The following VEZF1 variants were observed in gnomAD, a reference collection of about 807,000 sequenced individuals.
VEZF1 encodes vascular endothelial zinc finger 1, also known as putative transcription factor DB1.
Under a neutral mutation model 44.1 loss-of-function variants are expected in VEZF1, and 5 were observed. That is an observed-to-expected ratio of 0.11 (90% CI 0.06 to 0.24). VEZF1 has a LOEUF of 0.24. Among genes scored for constraint, VEZF1 ranks in the 10% least tolerant of loss-of-function variants. The pLI, the probability that VEZF1 is intolerant of heterozygous loss-of-function variation, is 1.00. For missense variants in VEZF1, 358 were observed against 641.8 expected (o/e 0.56, Z 4.78); for synonymous variants, 236 against 233.1 (o/e 1.01, Z -0.11).
In VEZF1 at chr17:57,974,302, C is replaced by T; in HGVS notation, c.*171G>A. 1 of 752,026 alleles carries T rather than the reference C, an allele frequency of 1.3e-6. No individual in the cohort carries two copies. The highest frequency in any genetic ancestry group is 2.7e-5 in the East Asian group (1 of 36,974). 46.6% of individuals were successfully genotyped at this position (752,026 alleles called of 1,614,324 possible). The stretch of plus-strand genomic sequence containing the variant: ...GTGGTCCAGTGATAAGTTACATACA[C>T]ACCCTACTTTGAATAATCCCAGCCA... On this transcript the variant is annotated 3_prime_UTR_variant, in exon 6 of 6. Transcript: ENST00000581208.
At chr17:57,977,079 T>C (rs2075199168) in intron 5 of VEZF1, among the ~76,000 whole-genome samples, 1 of 152,168 alleles carries the variant, frequency 6.6e-6, no homozygotes, top group Non-Finnish European at 1.5e-5. Context: ...TTCCTCCCCA[T>C]TGCCCGTCCC....
rs2143394254 is a variant in VEZF1, at chr17:57,988,092, G to T, written c.20C>A (p.Ala7Glu). Residue 7 changes from alanine to glutamate, a missense_variant, in exon 1 of 6, where the codon GCG becomes GAG. Around this residue, in one of 4 missense-constraint regions of VEZF1, gnomAD observed 22 missense variants for 17.3 expected, o/e 1.27. Transcript: ENST00000581208. Reference sequence around the variant, plus strand: ...GGCCCCCAGTACCTGGAACAGGAACGCGGTCCAGTTGGCCTCCATGGCTGC... The same window carrying T: ...GGCCCCCAGTACCTGGAACAGGAACTCGGTCCAGTTGGCCTCCATGGCTGC... MEANWT[A>E]FLFQAHEASH... is the part of the protein sequence containing the mutation. 2.8e-6 allele frequency: 2 copies of T among 711,130 alleles called. No individual in the cohort carries two copies. The highest frequency in any genetic ancestry group is 3.7e-6 in the Non-Finnish European group (2 of 545,320). The allele number at this position is 711,130 out of a possible 1,614,324, so 44.1% of individuals were successfully genotyped here.
chr17:57,980,223 T>C (rs572128329), intron 4 of VEZF1, among the ~76,000 whole-genome samples: 21 of 152,296 alleles, frequency 1.4e-4, no homozygotes, highest in African/African-American at 5.1e-4. Context: ...CTTCTTCTAG[T>C]GGTTAGGGCA....
At chr17:57,975,635 C>G (rs1447629603) in intron 5 of VEZF1, among the ~76,000 whole-genome samples, 1 of 152,192 alleles carries the variant, frequency 6.6e-6, no homozygotes, top group Non-Finnish European at 1.5e-5. Flanking sequence ...TCTCCTCACT[C>G]CCATTTCTTC....
In VEZF1 at chr17:57,974,330, T is replaced by G; in HGVS notation, c.*143A>C. Reference sequence around the variant, plus strand: ...CCTACTTTGAATAATCCCAGCCAAATTGGAGAAAAATGCTACCACACTCTT... The same window carrying G: ...CCTACTTTGAATAATCCCAGCCAAAGTGGAGAAAAATGCTACCACACTCTT... On this transcript the variant is annotated 3_prime_UTR_variant, in exon 6 of 6. Transcript: ENST00000581208. 4.1e-6 allele frequency: 4 copies of G among 987,430 alleles called. No homozygotes were observed. The highest frequency in any genetic ancestry group is 5.9e-6 in the Non-Finnish European group (4 of 683,636). The allele number at this position is 987,430 out of a possible 1,614,324, so 61.2% of individuals were successfully genotyped here.
intron 3 of VEZF1, 93 bp downstream of exon 3, chr17:57,981,780 G>C (rs866607602): frequency 2.5e-6 from 3 of 1,206,892 alleles, no homozygotes; most frequent in African/African-American, 3.0e-5. Flanking sequence ...GTGATTTTAA[G>C]ACTATTCAAG....
intron 1 of VEZF1, among the ~76,000 whole-genome samples, chr17:57,987,688 C>A (rs997716129): frequency 1.9e-4 from 29 of 152,268 alleles, no homozygotes; most frequent in African/African-American, 6.7e-4. Flanking sequence ...GGGACCGGGC[C>A]GGCACGCAAT....
At chr17:57,984,267 C>G (rs1405919203) in intron 1 of VEZF1, among the ~76,000 whole-genome samples, 1 of 152,214 alleles carries the variant, frequency 6.6e-6, no homozygotes, top group Non-Finnish European at 1.5e-5. Context: ...ACTCCCAAAA[C>G]TGGAGGCTGC....
At chr17:57,979,580 A>C (rs1461095565) in intron 4 of VEZF1, among the ~76,000 whole-genome samples, 1 of 151,980 alleles carries the variant, frequency 6.6e-6, no homozygotes, top group Non-Finnish European at 1.5e-5. Context: ...AAGTGTCTTT[A>C]AAAATGGAAG....
rs1289980435 is a variant in VEZF1, at chr17:57,988,144, C to A, written c.-33G>T. On this transcript the variant is annotated 5_prime_UTR_variant, in exon 1 of 6. Coordinates refer to ENST00000581208, the MANE Select transcript of VEZF1 (RefSeq NM_007146.3). ...GCGGCCGACCCCCCTCCTCCCCACT[C>A]CCCCCGCTCGGGGAGCCTCCTCAGC... 1.4e-6 allele frequency: 1 copy of A among 715,046 alleles called. No individual in the cohort carries two copies. The allele number at this position is 715,046 out of a possible 1,614,324, so 44.3% of individuals were successfully genotyped here. A position where few individuals can be genotyped will look rare whatever the true frequency, so the allele number is the denominator to read the frequency against.
chr17:57,988,064 G>C lies in VEZF1; in HGVS notation c.33+15C>G, dbSNP rs997081554. The C allele has an allele frequency of 6.6e-6, 3 of 454,940 alleles. No homozygotes were observed. Among genetic ancestry groups the C allele is most frequent in the Non-Finnish European group, 9.5e-6 (3 of 314,592 alleles). 28.2% of individuals were successfully genotyped at this position (454,940 alleles called of 1,614,324 possible). On this transcript the variant is annotated intron_variant, in intron 1 of 5. Transcript: ENST00000581208. ...CCCTGTCCCCCCCGTGCCCCCCCGG[G>C]GGGGCCCCCAGTACCTGGAACAGGA...
At chr17:57,986,500 A>C (rs1021856580) in intron 1 of VEZF1, among the ~76,000 whole-genome samples, 1 of 152,234 alleles carries the variant, frequency 6.6e-6, no homozygotes, top group African/African-American at 2.4e-5. Flanking sequence ...ATGCATTTTC[A>C]AGTTGGTTTA....
Position 57,982,741 on chromosome 17 carries a change from G to C in VEZF1, c.686C>G (p.Thr229Ser), listed in dbSNP as rs752587626. 2.0e-5 allele frequency: 33 copies of C among 1,614,026 alleles called. No homozygotes were observed. The highest frequency in any genetic ancestry group is 2.5e-5 in the Non-Finnish European group (30 of 1,180,008). The change falls in exon 2 of 6, where the codon ACC (threonine) becomes AGC (serine). Residue 229 changes from threonine to serine, a missense_variant. Around this residue, in one of 4 missense-constraint regions of VEZF1, gnomAD observed 48 missense variants for 144.9 expected, o/e 0.33. Coordinates refer to ENST00000581208, the MANE Select transcript of VEZF1 (RefSeq NM_007146.3). The part of the protein sequence containing the change: ...YHVRSHEGGI[T>S]KPYTCSVCGK... ...ACAAACACTGCAAGTATAGGGTTTGGTGATGCCTCCTTCATGAGACCTCAC... is the reference window on the plus strand; with the variant it reads ...ACAAACACTGCAAGTATAGGGTTTGCTGATGCCTCCTTCATGAGACCTCAC...
chr17:57,974,775 T>A lies in VEZF1; in HGVS notation c.1264A>T (p.Met422Leu). 1 of 1,614,194 alleles carries A rather than the reference T, an allele frequency of 6.2e-7. No individual in the cohort carries two copies. Among genetic ancestry groups the A allele is most frequent in the Non-Finnish European group, 8.5e-7 (1 of 1,180,028 alleles). ...MSNPVTVAAA[M>L]SMRSPVNVSS... ...ACATTTACTGGACTTCTCATGCTCA[T>A]TGCAGCTGCCACTGTGACTGGGTTT... is the stretch of plus-strand genomic sequence containing the variant. Residue 422 changes from methionine (M) to leucine (L), a missense_variant, in exon 6 of 6, where the codon ATG becomes TTG. By Grantham distance (15) the Met-to-Leu change is conservative (BLOSUM62 2). Transcript: ENST00000581208.
rs756625491 is a variant in VEZF1, at chr17:57,983,255, T to C, written c.172A>G (p.Thr58Ala). Residue 58 changes from threonine (T) to alanine (A), a missense_variant, in exon 2 of 6, where the codon ACA becomes GCA. Coordinates refer to ENST00000581208, the MANE Select transcript of VEZF1 (RefSeq NM_007146.3). ...ITQKPQGAPETLKDAIGIKKE... is the reference protein window; with the variant it reads ...ITQKPQGAPEALKDAIGIKKE... Reference sequence around the variant, plus strand: ...TTAATCCCAATGGCATCCTTTAATGTTTCTGGTGCACCCTGAGGTTTCTGA... The same window carrying C: ...TTAATCCCAATGGCATCCTTTAATGCTTCTGGTGCACCCTGAGGTTTCTGA... 5.0e-6 allele frequency: 8 copies of C among 1,614,112 alleles called. No individual in the cohort carries two copies. The highest frequency in any genetic ancestry group is 6.8e-6 in the Non-Finnish European group (8 of 1,180,018).
Position 57,988,123 on chromosome 17 carries a change from C to T in VEZF1, c.-12G>A. On this transcript the variant is annotated 5_prime_UTR_variant, in exon 1 of 6. Coordinates refer to ENST00000581208, the MANE Select transcript of VEZF1 (RefSeq NM_007146.3). ...CAGTTGGCCTCCATGGCTGCGGCGG[C>T]CGACCCCCCTCCTCCCCACTCCCCC... The T allele has an allele frequency of 1.2e-6, 1 of 833,014 alleles. No individual in the cohort carries two copies. The highest frequency in any genetic ancestry group is 1.5e-6 in the Non-Finnish European group (1 of 651,968). 51.6% of individuals were successfully genotyped at this position (833,014 alleles called of 1,614,324 possible).
intron 5 of VEZF1, among the ~76,000 whole-genome samples, chr17:57,975,491 T>C (rs1336868644): frequency 6.6e-6 from 1 of 152,268 alleles, no homozygotes; most frequent in East Asian, 1.9e-4. Flanking sequence ...AATTGGGGAA[T>C]GATAAACAAG....
chr17:57,979,012 A>C lies in VEZF1; in HGVS notation c.1138+140T>G, dbSNP rs928940487. On this transcript the variant is annotated intron_variant, in intron 5 of 5. Coordinates refer to ENST00000581208, the MANE Select transcript of VEZF1 (RefSeq NM_007146.3). ...ATTGCCAATAACTATACTTTACCAG[A>C]TATTTCCCAGCATGCACTATTTCCA... 1.1e-5 allele frequency: 13 copies of C among 1,174,924 alleles called. No homozygotes were observed. The African/African-American group carries it at 1.7e-4, about 15-fold the overall frequency. 72.8% of individuals were successfully genotyped at this position (1,174,924 alleles called of 1,614,324 possible).
Position 57,980,792 on chromosome 17 carries a change from TGAGG to T in VEZF1, c.793-10_793-7del. 1 of 1,614,152 alleles carries T rather than the reference TGAGG, an allele frequency of 6.2e-7. No homozygotes were observed. The highest frequency in any genetic ancestry group is 1.7e-5 in the Admixed American group (1 of 60,012). ...GCAAAGGCAGCAGTGCACGTCTGCA[TGAGG>T]GAGGAAAACTTTTTTTAAATATAGA... is the stretch of plus-strand genomic sequence containing the variant. On this transcript the variant is annotated splice_polypyrimidine_tract_variant and splice_region_variant and intron_variant, in intron 3 of 5. Transcript: ENST00000581208.
Sources: allele counts gnomAD v4.1 joint callset (sites outside exome capture counted in the v4.1 genomes callset), GRCh38; gene constraint gnomAD v4.1.1; regional missense constraint gnomAD v4.1.1; transcripts MANE v1.5; gene names NCBI Gene and HGNC (gene_info 2026-07-23, HGNC 2026-07-21).